The following PARD3 variants were observed in gnomAD, a reference collection of about 807,000 sequenced individuals.
PARD3 encodes the protein par-3 family cell polarity regulator.
Under a neutral mutation model 155.4 loss-of-function variants are expected in PARD3, and 75 were observed. The observed-to-expected ratio is 0.48, with a 90% CI of 0.40 to 0.58. The LOEUF is 0.58. Among genes scored for constraint, PARD3 ranks in the 20% least tolerant of loss-of-function variants. The pLI, the probability that PARD3 is intolerant of heterozygous loss-of-function variation, is 0.00. For synonymous variants in PARD3, 576 were observed against 610.5 expected (o/e 0.94, Z 0.83); for missense variants, 1,642 against 1,721.7 (o/e 0.95, Z 0.82).
In PARD3 at chr10:34,471,318, A is replaced by G. The variant is rs530160369; in HGVS notation, c.404-1055T>C. Among the ~76,000 whole-genome samples the G allele has an allele frequency of 5.3e-5, 8 of 152,328 alleles. No individual in the cohort carries two copies. The South Asian group carries it at 1.2e-3, about 24-fold the overall frequency. ...AACATTTGTATCATTATCAGTAACA[A>G]TGAGAACAGCCTGGCAAATAGGATC... is the stretch of plus-strand genomic sequence containing the variant. On this transcript the variant is annotated intron_variant, in intron 3 of 24. Transcript: ENST00000374788.
chr10:34,168,246 A>G (rs900386486), intron 22 of PARD3, among the ~76,000 whole-genome samples: 1 of 152,220 alleles, frequency 6.6e-6, no homozygotes, highest in Non-Finnish European at 1.5e-5. Context: ...ATGAAGTTTC[A>G]GAAACAGTTA....
At chr10:34,375,824 T>C (rs1841171476) in intron 10 of PARD3, among the ~76,000 whole-genome samples, 1 of 152,210 alleles carries the variant, frequency 6.6e-6, no homozygotes, top group South Asian at 2.1e-4. Context: ...TTAAAATATA[T>C]TTCAGAACAT....
chr10:34,449,283 C>A (rs2076926665), intron 5 of PARD3, among the ~76,000 whole-genome samples: 2 of 151,648 alleles, frequency 1.3e-5, no homozygotes, highest in African/African-American at 4.9e-5. Flanking sequence ...TCATACTGTA[C>A]CCTTTAAATA....
At chr10:34,626,132 C>T (rs1218575478) in intron 2 of PARD3, among the ~76,000 whole-genome samples, 1 of 152,222 alleles carries the variant, frequency 6.6e-6, no homozygotes, top group African/African-American at 2.4e-5. Flanking sequence ...ACCACTCCCT[C>T]TTCCCCAAAA....
At chr10:34,674,015 A>G (rs2093655668) in intron 2 of PARD3, among the ~76,000 whole-genome samples, 1 of 149,360 alleles carries the variant, frequency 6.7e-6, no homozygotes, top group Non-Finnish European at 1.5e-5. Context: ...ACAGGAGGAG[A>G]GTTCTAATTC....
At chr10:34,557,436 A>G (rs2085091390) in intron 2 of PARD3, among the ~76,000 whole-genome samples, 1 of 152,098 alleles carries the variant, frequency 6.6e-6, no homozygotes, top group Non-Finnish European at 1.5e-5. Flanking sequence ...CAGCAGTCTG[A>G]GACCAGCCTG....
chr10:34,225,709 TACCTC>T (rs955836395), intron 22 of PARD3, among the ~76,000 whole-genome samples: 3 of 152,148 alleles, frequency 2.0e-5, no homozygotes, highest in Admixed American at 2.0e-4. Context: ...TTGAGTTTCT[TACCTC>T]ATCTCATATA....
intron 1 of PARD3, among the ~76,000 whole-genome samples, chr10:34,763,111 G>A (rs1281466713): frequency 6.6e-6 from 1 of 152,176 alleles, no homozygotes; most frequent in Non-Finnish European, 1.5e-5. Context: ...AATGACTGGA[G>A]GTCACTGCTG....
chr10:34,127,510 G>A (rs1174999422), intron 23 of PARD3, among the ~76,000 whole-genome samples: 1 of 152,026 alleles, frequency 6.6e-6, no homozygotes, highest in Non-Finnish European at 1.5e-5. Context: ...AGTTCTGAGG[G>A]CATTTTTTCT....
chr10:34,511,392 A>G (rs2081389676), intron 3 of PARD3, among the ~76,000 whole-genome samples: 1 of 152,150 alleles, frequency 6.6e-6, no homozygotes, highest in Non-Finnish European at 1.5e-5. Context: ...AGAGTACCTG[A>G]CACTGGTAAT....
intron 2 of PARD3, among the ~76,000 whole-genome samples, chr10:34,677,109 A>G (rs1378382159): frequency 1.3e-5 from 2 of 152,212 alleles, no homozygotes; most frequent in Admixed American, 1.3e-4. Context: ...TGTTACATAT[A>G]AAATAGAGAT....
chr10:34,691,841 A>G (rs957701923), intron 2 of PARD3, among the ~76,000 whole-genome samples: 3 of 152,218 alleles, frequency 2.0e-5, no homozygotes, highest in Non-Finnish European at 4.4e-5. Context: ...AACAAGCAAC[A>G]GGGAAAGAAC....
At chr10:34,541,623 G>C (rs1412301750) in intron 2 of PARD3, among the ~76,000 whole-genome samples, 1 of 152,154 alleles carries the variant, frequency 6.6e-6, no homozygotes, top group Admixed American at 6.5e-5. Context: ...AGATTATAGG[G>C]AGGAGGCCCC....
At chr10:34,218,346 G>A (rs901165399) in intron 22 of PARD3, among the ~76,000 whole-genome samples, 1 of 152,106 alleles carries the variant, frequency 6.6e-6, no homozygotes, top group African/African-American at 2.4e-5. Flanking sequence ...AATAGGACCA[G>A]AAAAATCTCA....
chr10:34,591,256 G>A (rs965464085), intron 2 of PARD3, among the ~76,000 whole-genome samples: 1 of 152,006 alleles, frequency 6.6e-6, no homozygotes, highest in Non-Finnish European at 1.5e-5. Flanking sequence ...ATCTCTGTGT[G>A]TGCCCAAACA....
At chr10:34,409,973 C>T (rs1844884691) in intron 5 of PARD3, among the ~76,000 whole-genome samples, 1 of 152,094 alleles carries the variant, frequency 6.6e-6, no homozygotes, top group Non-Finnish European at 1.5e-5. Flanking sequence ...TTCTCTGTGC[C>T]TCAGTTTACT....
At chr10:34,309,548 C>CAAAAAAAAAAAAAAAAAAAAAAAAAAAA (rs1173904388) in intron 20 of PARD3, among the ~76,000 whole-genome samples, 2 of 64,032 alleles carry the variant, frequency 3.1e-5, no homozygotes, top group East Asian at 7.7e-4. Context: ...ACCCTGTCTC[C>CAAAAAAAAAAAAAAAAAAAAAAAAAAAA]AAAAAAAAAA....
At chr10:34,635,282 TA>T (rs1005116914) in intron 2 of PARD3, among the ~76,000 whole-genome samples, 1 of 152,236 alleles carries the variant, frequency 6.6e-6, no homozygotes, top group African/African-American at 2.4e-5. Flanking sequence ...GGATTTCAAA[TA>T]GGGGTAGCCA....
chr10:34,512,780 C>G (rs1350067035), intron 3 of PARD3, among the ~76,000 whole-genome samples: 4 of 152,156 alleles, frequency 2.6e-5, no homozygotes, highest in Non-Finnish European at 5.9e-5. Flanking sequence ...TAACTTATAT[C>G]TGTACACTTT....
Sources: gnomAD v4.1 joint callset for allele counts (sites outside exome capture counted in the v4.1 genomes callset) on GRCh38, gnomAD v4.1.1 for gene constraint, MANE v1.5 for transcripts, NCBI Gene and HGNC (gene_info 2026-07-23, HGNC 2026-07-21) for gene names.